The following NLK variants were observed in gnomAD, a reference collection of about 807,000 sequenced individuals.
The protein encoded by NLK is nemo like kinase, also known as serine/threonine-protein kinase NLK.
Under a neutral mutation model 59.0 loss-of-function variants are expected in NLK, and 11 were observed. The observed-to-expected ratio is 0.19, with a 90% CI of 0.12 to 0.31. NLK has a LOEUF of 0.31. Ranked by LOEUF, NLK falls within the 10% of genes least tolerant of loss-of-function variation. The pLI is 1.00. For missense variants in NLK, 410 were observed against 661.1 expected, an observed-to-expected ratio of 0.62 and a Z score of 4.16; for synonymous variants, 235 against 235.9, an observed-to-expected ratio of 1.00 and a Z score of 0.03.
intron 1 of NLK, among the ~76,000 whole-genome samples, chr17:28,090,706 A>AAAT (rs1243941708): frequency 2.6e-5 from 4 of 152,190 alleles, no homozygotes; most frequent in African/African-American, 7.2e-5. Flanking sequence ...GCTTGTTAAA[A>AAAT]AATAATAATA....
In NLK at chr17:28,194,952, G is replaced by T; in HGVS notation, c.*316G>T. 1 of 213,274 alleles carries T rather than the reference G, an allele frequency of 4.7e-6. No homozygotes were observed. Among genetic ancestry groups the T allele is most frequent in the Non-Finnish European group, 9.2e-6 (1 of 108,340 alleles). The allele number at this position is 213,274 out of a possible 1,614,324, so 13.2% of individuals were successfully genotyped here. A position where few individuals can be genotyped will look rare whatever the true frequency, so the allele number is the denominator to read the frequency against. ...TTGGGAGTTTGGGGTTTTATGTTTTGTTTTTCTTTTCTAAAATGAAGTGAG... is the reference window on the plus strand; with the variant it reads ...TTGGGAGTTTGGGGTTTTATGTTTTTTTTTTCTTTTCTAAAATGAAGTGAG... On this transcript the variant is annotated 3_prime_UTR_variant, in exon 11 of 11. Coordinates refer to ENST00000407008, the MANE Select transcript of NLK (RefSeq NM_016231.5).
rs372502962 is a variant in NLK at position 28,179,186 on chromosome 17, CAT to C, written c.1150-5992_1150-5991del. ...GTTTATTTTAAAGGAGGAAATTTAA[CAT>C]GTGTGAATGTTAGGAGAATTGGCAA... On this transcript the variant is annotated intron_variant, in intron 7 of 10. Coordinates refer to ENST00000407008, the MANE Select transcript of NLK (RefSeq NM_016231.5). 2.4e-4 allele frequency among the ~76,000 whole-genome samples: 36 copies of C among 152,218 alleles called. 1 individual carries two copies. The East Asian group carries it at 4.4e-3, about 19-fold the overall frequency.
intron 1 of NLK, among the ~76,000 whole-genome samples, chr17:28,044,863 G>A (rs1908999517): frequency 6.6e-6 from 1 of 152,122 alleles, no homozygotes; most frequent in South Asian, 2.1e-4. Flanking sequence ...TTCTTTTTTA[G>A]TGCCTTACAT....
downstream of NLK, among the ~76,000 whole-genome samples, chr17:28,201,111 C>G (rs911167776): frequency 3.9e-5 from 6 of 152,146 alleles, no homozygotes; most frequent in African/African-American, 1.4e-4. Context: ...ACAGGGTCTC[C>G]CTCTGTCGCC....
At chr17:28,130,192 TAGTG>T (rs1430448408) in intron 2 of NLK, among the ~76,000 whole-genome samples, 1 of 152,180 alleles carries the variant, frequency 6.6e-6, no homozygotes, top group Non-Finnish European at 1.5e-5. Context: ...CCTCAAATAA[TAGTG>T]GGGCTTATAG....
At chr17:28,077,983 G>A (rs895674181) in intron 1 of NLK, among the ~76,000 whole-genome samples, 2 of 151,888 alleles carry the variant, frequency 1.3e-5, no homozygotes, top group African/African-American at 4.8e-5. Flanking sequence ...ATTCTTAAGA[G>A]GTTGTTCTTC....
At chr17:28,125,619 A>G (rs1906259963) in intron 2 of NLK, among the ~76,000 whole-genome samples, 1 of 152,190 alleles carries the variant, frequency 6.6e-6, no homozygotes, top group East Asian at 1.9e-4. Context: ...TTTATATATA[A>G]TAGATCTCTG....
intron 2 of NLK, among the ~76,000 whole-genome samples, chr17:28,128,336 T>G (rs1337971991): frequency 6.6e-6 from 1 of 152,132 alleles, no homozygotes; most frequent in Non-Finnish European, 1.5e-5. Context: ...ACCTCAAACA[T>G]ATATCCAATA....
At chr17:28,124,648 C>A (rs1411934859) in intron 2 of NLK, among the ~76,000 whole-genome samples, 1 of 152,110 alleles carries the variant, frequency 6.6e-6, no homozygotes, top group Non-Finnish European at 1.5e-5. Context: ...CTTGACCTTG[C>A]CTTAGTGTGT....
At chr17:28,048,877 C>T (rs1418963877) in intron 1 of NLK, 2 of 152,178 alleles carry the variant, frequency 1.3e-5, no homozygotes, top group Non-Finnish European at 2.9e-5. Flanking sequence ...GAAACTTTTT[C>T]ATTTGTCATC....
At chr17:28,200,468 TTA>T (rs1277242062), downstream of NLK, among the ~76,000 whole-genome samples, 1 of 152,128 alleles carries the variant, frequency 6.6e-6, no homozygotes, top group Non-Finnish European at 1.5e-5. Flanking sequence ...CAATTTTACT[TTA>T]TGTTACTTTA....
intron 1 of NLK, among the ~76,000 whole-genome samples, chr17:28,044,340 A>G (rs539205616): frequency 1.3e-5 from 2 of 152,334 alleles, no homozygotes; most frequent in South Asian, 4.1e-4. Flanking sequence ...TACCACAGGA[A>G]AATGAACTCT....
rs1456879251 is a variant in NLK, at chr17:28,071,134, TGTCTACA to T, written c.458+27805_458+27811del. On this transcript the variant is annotated intron_variant, in intron 1 of 10. Transcript: ENST00000407008. The stretch of plus-strand genomic sequence containing the variant: ...CTCAGTAGGTGTGATAATCAAAAAA[TGTCTACA>T]GACAGTACCAAATGTCCCCTAGGGA... 4.6e-5 allele frequency among the ~76,000 whole-genome samples: 7 copies of T among 152,332 alleles called. No homozygotes were observed. In the East Asian group the frequency reaches 1.2e-3, roughly 25 times the overall value.
chr17:28,063,212 A>G lies in NLK; in HGVS notation c.458+19881A>G, dbSNP rs559581035. ...CTCCCAAAGTGCTGGGATTACAGGC[A>G]TAAGCCATGGCGACTGGCAACATTT... is the stretch of plus-strand genomic sequence containing the variant. On this transcript the variant is annotated intron_variant, in intron 1 of 10. Coordinates refer to ENST00000407008, the MANE Select transcript of NLK (RefSeq NM_016231.5). 6.4e-4 allele frequency among the ~76,000 whole-genome samples: 98 copies of G among 152,322 alleles called. 1 individual carries two copies. The highest frequency in any genetic ancestry group is 2.7e-3 in the South Asian group (13 of 4,826).
At chr17:28,085,184 C>G (rs769517326) in intron 1 of NLK, among the ~76,000 whole-genome samples, 2 of 152,086 alleles carry the variant, frequency 1.3e-5, no homozygotes, top group African/African-American at 4.8e-5. Context: ...AAAATTATCA[C>G]GTTTTATGCC....
Position 28,077,194 on chromosome 17 carries a change from T to C in NLK, c.458+33863T>C, listed in dbSNP as rs200916814. Among the ~76,000 whole-genome samples, 10 of 150,340 alleles carry C rather than the reference T, an allele frequency of 6.7e-5. No homozygotes were observed. In the East Asian group the frequency reaches 2.0e-3, roughly 30 times the overall value. On this transcript the variant is annotated intron_variant, in intron 1 of 10. Coordinates refer to ENST00000407008, the MANE Select transcript of NLK (RefSeq NM_016231.5). ...CCACCTGTATTAGTCCGTTTTCACA[T>C]TGCTGATAAAGACGTGCTTGAGACT...
chr17:28,098,728 G>A (rs1370025407), intron 1 of NLK, among the ~76,000 whole-genome samples: 1 of 143,652 alleles, frequency 7.0e-6, no homozygotes, highest in Non-Finnish European at 1.5e-5. Context: ...TGTTGCCCAG[G>A]CTGGAGTGCA....
At chr17:28,047,835 T>C in intron 1 of NLK, 1 of 396,000 alleles carries the variant, frequency 2.5e-6, no homozygotes, top group Non-Finnish European at 4.5e-6. Flanking sequence ...TTTTGGGATA[T>C]GTTTGGGGAA....
chr17:28,191,541 C>G (rs1353914347), intron 9 of NLK, among the ~76,000 whole-genome samples: 1 of 152,078 alleles, frequency 6.6e-6, no homozygotes, highest in Non-Finnish European at 1.5e-5. Context: ...ATACAAAGTT[C>G]CATAAAGGAT....
Sources: allele counts gnomAD v4.1 joint callset (sites outside exome capture counted in the v4.1 genomes callset), GRCh38; gene constraint gnomAD v4.1.1; transcripts MANE v1.5; gene names NCBI Gene and HGNC (gene_info 2026-07-23, HGNC 2026-07-21).